CKAP5: variants seen among roughly 807,000 people sequenced by gnomAD.
CKAP5 encodes cytoskeleton associated protein 5.
A neutral mutation model predicts 232.8 loss-of-function variants in CKAP5; 27 were observed. The observed-to-expected ratio is 0.12, with a 90% confidence interval of 0.09 to 0.16. The LOEUF (loss-of-function observed/expected upper bound fraction) is 0.16, where lower values mean the gene tolerates loss of function less well. CKAP5 is among the 10% of genes least tolerant of loss of function. The pLI is 1.00. For missense variants in CKAP5, 1,838 were observed against 2,424.7 expected (o/e 0.76, Z 5.08); for synonymous variants, 785 against 841.1 (o/e 0.93, Z 1.16).
intron 18 of CKAP5, among the ~76,000 whole-genome samples, chr11:46,781,884 G>A (rs2065345344): frequency 6.6e-6 from 1 of 152,166 alleles, no homozygotes; most frequent in Non-Finnish European, 1.5e-5. Flanking sequence ...GGAGAGCAAT[G>A]GCATGATCTT....
In CKAP5 at chr11:46,779,072, C is replaced by T. The variant is rs143679232; in HGVS notation, c.2434-473G>A. On this transcript the variant is annotated intron_variant, in intron 20 of 43. Coordinates refer to ENST00000529230, the MANE Select transcript of CKAP5 (RefSeq NM_001008938.4). The stretch of plus-strand genomic sequence containing the variant: ...TCCAGCCTGGGCAACAAGAGTGAAA[C>T]TCCACCTCAAAACAAACAAACAAAC... Among the ~76,000 whole-genome samples the T allele has an allele frequency of 3.2e-3, 491 of 152,264 alleles. 3 individuals carry two copies. Among genetic ancestry groups the T allele is most frequent in the South Asian group, 0.016 (75 of 4,828 alleles).
chr11:46,785,479 G>A (rs559941951), intron 16 of CKAP5, among the ~76,000 whole-genome samples: 2 of 152,144 alleles, frequency 1.3e-5, no homozygotes, highest in African/African-American at 2.4e-5. Flanking sequence ...ACAGGCGCCC[G>A]CCACCACGCT....
At chr11:46,765,103 C>A in intron 28 of CKAP5, 28 bp downstream of exon 28, 1 of 1,591,790 alleles carries the variant, frequency 6.3e-7, no homozygotes. Flanking sequence ...AAGCAAAAAT[C>A]TCCTGACGAT....
chr11:46,748,780 A>G (rs918610071), intron 42 of CKAP5, among the ~76,000 whole-genome samples: 3 of 151,890 alleles, frequency 2.0e-5, no homozygotes, highest in African/African-American at 7.3e-5. Flanking sequence ...ACAAAACAAA[A>G]CAAAACAAAA....
Position 46,750,536 on chromosome 11 carries a change from T to G in CKAP5, c.5536A>C (p.Thr1846Pro), listed in dbSNP as rs1439390069. 2.5e-6 allele frequency: 4 copies of G among 1,613,950 alleles called. No individual in the cohort carries two copies. Among genetic ancestry groups the G allele is most frequent in the Non-Finnish European group, 3.4e-6 (4 of 1,179,922 alleles). The change falls in exon 41 of 44, where the codon ACT becomes CCT. Residue 1846 changes from threonine (T) to proline (P), a missense_variant. Coordinates refer to ENST00000529230, the MANE Select transcript of CKAP5 (RefSeq NM_001008938.4). ...IFKKIGSKENTKEGLAELYEY... is the reference protein window; with the variant it reads ...IFKKIGSKENPKEGLAELYEY... ...AACCCTTTCACTCTCACCTCTTTAG[T>G]GTTTTCTTTAGAGCCAATCTTCTTA...
chr11:46,814,735 A>G (rs1251940306), intron 4 of CKAP5, among the ~76,000 whole-genome samples: 1 of 152,204 alleles, frequency 6.6e-6, no homozygotes, highest in Non-Finnish European at 1.5e-5. Flanking sequence ...TTCATGGCCA[A>G]ACAAGAAAGT....
intron 13 of CKAP5, among the ~76,000 whole-genome samples, chr11:46,792,423 G>A (rs1938752390): frequency 6.6e-6 from 1 of 151,976 alleles, no homozygotes; most frequent in Admixed American, 6.6e-5. Context: ...CGTGGTGGCA[G>A]GTGCCTTTAA....
chr11:46,792,722 A>G (rs1209370278), intron 13 of CKAP5, among the ~76,000 whole-genome samples: 1 of 152,198 alleles, frequency 6.6e-6, no homozygotes, highest in Non-Finnish European at 1.5e-5. Context: ...TTTAATTTTT[A>G]AGATAATTCC....
At chr11:46,796,982 T>C (rs199882210) in intron 11 of CKAP5, 42 bp from the exon 12 acceptor site, 1 of 1,605,362 alleles carries the variant, frequency 6.2e-7, no homozygotes, top group South Asian at 1.1e-5. Context: ...ATGCAAGGTA[T>C]TTTAGGCATT....
rs777465014 is a variant in CKAP5 at position 46,759,341 on chromosome 11, C to T, written c.4496G>A (p.Arg1499Gln). ...CTGAACAAGTTCTGGCATTTCACAT[C>T]GGACTGTACCATTGTCATTCTCAAT... The part of the protein sequence containing the change: ...DEIENDNGTV[R>Q]CEMPELVQHK... Residue 1499 changes from arginine (R) to glutamine (Q), a missense_variant, in exon 34 of 44, where the codon CGA becomes CAA. This residue lies in a region of CKAP5 where 579 missense variants were observed against 843.2 expected (regional missense o/e 0.69). Coordinates refer to ENST00000529230, the MANE Select transcript of CKAP5 (RefSeq NM_001008938.4). 2.5e-6 allele frequency: 4 copies of T among 1,614,080 alleles called. No individual in the cohort carries two copies. Among genetic ancestry groups the T allele is most frequent in the Non-Finnish European group, 3.4e-6 (4 of 1,180,022 alleles).
rs773504291 is a variant in CKAP5, at chr11:46,763,582, G to A, written c.3586C>T (p.Leu1196=). The A allele has an allele frequency of 1.4e-5, 23 of 1,596,362 alleles. No individual in the cohort carries two copies. The highest frequency in any genetic ancestry group is 6.0e-6 in the Non-Finnish European group (7 of 1,172,502). ...TTPRDEYIEQ[L]KTQMSSCVAK... is the part of the protein sequence containing the mutation. The stretch of plus-strand genomic sequence containing the variant: ...ACACAGCTAGACATTTGAGTCTTTA[G>A]TTGCTCAATGTATTCATCCCGTGGG... The change falls in exon 29 of 44, where the codon CTA becomes TTA. Residue 1196 remains leucine (L), a synonymous_variant. Coordinates refer to ENST00000529230, the MANE Select transcript of CKAP5 (RefSeq NM_001008938.4).
chr11:46,786,639 T>A (rs560534062), intron 16 of CKAP5, among the ~76,000 whole-genome samples: 2 of 152,288 alleles, frequency 1.3e-5, no homozygotes, highest in Admixed American at 1.3e-4. Context: ...GAATAAGATA[T>A]CCACAGAGGA....
chr11:46,841,164 G>A (rs1057091921), intron 1 of CKAP5, among the ~76,000 whole-genome samples: 4 of 152,030 alleles, frequency 2.6e-5, no homozygotes, highest in Non-Finnish European at 5.9e-5. Context: ...CAGCTACTCG[G>A]GAGGCTGAGG....
chr11:46,767,738 A>G lies in CKAP5; in HGVS notation c.3323-75T>C, dbSNP rs2065214641. ...TTATTTTGGACAGGTTAAATATATA[A>G]TGATGACAAGGAAGCTTGCAGTCTT... On this transcript the variant is annotated intron_variant, in intron 26 of 43. Coordinates refer to ENST00000529230, the MANE Select transcript of CKAP5 (RefSeq NM_001008938.4). The G allele has an allele frequency of 4.5e-6, 4 of 890,238 alleles. No individual in the cohort carries two copies. In the South Asian group the frequency reaches 6.7e-5, roughly 15 times the overall value. The allele number at this position is 890,238 out of a possible 1,614,324, so 55.1% of individuals were successfully genotyped here. A position where few individuals can be genotyped will look rare whatever the true frequency, so the allele number is the denominator to read the frequency against.
At chr11:46,804,201 T>C (rs1043703374) in intron 8 of CKAP5, among the ~76,000 whole-genome samples, 5 of 152,200 alleles carry the variant, frequency 3.3e-5, no homozygotes, top group Admixed American at 6.5e-5. Flanking sequence ...TGCGAATCTG[T>C]TAAATTTCAA....
chr11:46,787,810 GAAC>G (rs1205841070), intron 16 of CKAP5, among the ~76,000 whole-genome samples: 5 of 152,130 alleles, frequency 3.3e-5, no homozygotes, highest in African/African-American at 4.8e-5. Flanking sequence ...GTTGACCCTT[GAAC>G]AACATGGGTT....
chr11:46,815,560 G>C (rs1592477423), intron 4 of CKAP5, among the ~76,000 whole-genome samples: 1 of 152,234 alleles, frequency 6.6e-6, no homozygotes, highest in Non-Finnish European at 1.5e-5. Context: ...GCCTTCCAAA[G>C]TGCTGGGATT....
chr11:46,814,380 C>T (rs770203224), intron 4 of CKAP5, among the ~76,000 whole-genome samples: 12 of 152,068 alleles, frequency 7.9e-5, no homozygotes, highest in South Asian at 4.1e-4. Flanking sequence ...TATAAAAGTA[C>T]ATTATGAGCA....
chr11:46,786,446 G>A (rs2065394256), intron 16 of CKAP5, among the ~76,000 whole-genome samples: 1 of 152,202 alleles, frequency 6.6e-6, no homozygotes, highest in South Asian at 2.1e-4. Flanking sequence ...AGCTCCATTT[G>A]AAAGTCCTGT....
Sources: gnomAD v4.1 joint callset for allele counts (sites outside exome capture counted in the v4.1 genomes callset) on GRCh38, gnomAD v4.1.1 for gene constraint, gnomAD v4.1.1 regional missense constraint, MANE v1.5 for transcripts, NCBI Gene and HGNC (gene_info 2026-07-23, HGNC 2026-07-21) for gene names.